RUNX3: variants seen among roughly 807,000 people sequenced by gnomAD.
The protein encoded by RUNX3 is runt-related transcription factor 3.
RUNX3 carries 10 observed loss-of-function variants against 27.7 expected under a neutral mutation model. The observed-to-expected ratio is 0.36, with a 90% CI of 0.22 to 0.61. RUNX3 has a LOEUF of 0.61. RUNX3 is among the 20% of genes least tolerant of loss of function. The pLI is 0.72. For missense variants in RUNX3, 469 were observed against 629.5 expected (o/e 0.75, Z 2.73); for synonymous variants, 270 against 269.2 (o/e 1.00, Z -0.03).
chr1:24,913,760 C>A (rs973492107), intron 3 of RUNX3, among the ~76,000 whole-genome samples: 1 of 152,226 alleles, frequency 6.6e-6, no homozygotes, highest in Non-Finnish European at 1.5e-5. Context: ...GGGAATCCTT[C>A]CCCACCACCA....
At chr1:24,953,402 G>GAAA (rs553316885) in intron 2 of RUNX3, among the ~76,000 whole-genome samples, 13 of 70,448 alleles carry the variant, frequency 1.8e-4, no homozygotes, top group African/African-American at 3.1e-4. Flanking sequence ...AAAGAAAAAT[G>GAAA]AAAAAAAAAA....
chr1:24,907,294 C>T lies in RUNX3; in HGVS notation c.668G>A (p.Ser223Asn). ...PSPRGSLSTT[S>N]HFSSQPQTPI... ...GGTCTGGGGCTGGCTGCTGAAGTGG[C>T]TTGTGGTGCTGAGTGAGCCTCGGGG... Residue 223 changes from serine (S) to asparagine (N), a missense_variant, in exon 4 of 5, where the codon AGC becomes AAC. By Grantham distance (46) the Ser-to-Asn change is conservative (BLOSUM62 1). Around this residue, in one of 3 missense-constraint regions of RUNX3, gnomAD observed 279 missense variants for 343.0 expected, o/e 0.81. Transcript: ENST00000308873. The T allele has an allele frequency of 6.2e-7, 1 of 1,612,476 alleles. No individual in the cohort carries two copies. Among genetic ancestry groups the T allele is most frequent in the Non-Finnish European group, 8.5e-7 (1 of 1,179,994 alleles).
chr1:24,953,776 A>T (rs527790826), intron 2 of RUNX3, among the ~76,000 whole-genome samples: 11 of 152,402 alleles, frequency 7.2e-5, no homozygotes, highest in Admixed American at 2.6e-4. Context: ...GGAAATGCTC[A>T]TTGGAGAATT....
At chr1:24,910,799 C>A (rs961855426) in intron 3 of RUNX3, among the ~76,000 whole-genome samples, 4 of 152,200 alleles carry the variant, frequency 2.6e-5, no homozygotes, top group African/African-American at 9.6e-5. Flanking sequence ...TCTGGCCAGG[C>A]CCCCACTGCT....
chr1:24,949,317 A>C (rs1034543036), intron 2 of RUNX3, among the ~76,000 whole-genome samples: 1 of 152,158 alleles, frequency 6.6e-6, no homozygotes, highest in African/African-American at 2.4e-5. Flanking sequence ...AAGTCTGGCT[A>C]AATGGAAAGT....
chr1:24,902,839 G>A lies in RUNX3; in HGVS notation c.704-173C>T, dbSNP rs529100401. Reference sequence around the variant, plus strand: ...CCGGGGCCTCCCCCGCCAGGACTCCGAACACAGACCTGCCGGGAAGCTGGT... The same window carrying A: ...CCGGGGCCTCCCCCGCCAGGACTCCAAACACAGACCTGCCGGGAAGCTGGT... On this transcript the variant is annotated intron_variant, in intron 4 of 4. Transcript: ENST00000308873. The surrounding 1 kb of genome is among the most constrained non-coding windows in gnomAD (Gnocchi z 9.2). 4.6e-5 allele frequency among the ~76,000 whole-genome samples: 7 copies of A among 152,134 alleles called. No individual in the cohort carries two copies. The highest frequency in any genetic ancestry group is 1.3e-4 in the Admixed American group (2 of 15,290).
intron 3 of RUNX3, among the ~76,000 whole-genome samples, chr1:24,917,680 C>A (rs949735041): frequency 6.6e-6 from 1 of 152,204 alleles, no homozygotes; most frequent in African/African-American, 2.4e-5. Flanking sequence ...TGTTTCCTCG[C>A]AATAGCATCA....
At chr1:24,926,691 G>A (rs1186785260) in intron 2 of RUNX3, among the ~76,000 whole-genome samples, 1 of 152,208 alleles carries the variant, frequency 6.6e-6, no homozygotes, top group African/African-American at 2.4e-5. Flanking sequence ...ACTTCAGCCT[G>A]CTGTGGAGTT....
intron 2 of RUNX3, among the ~76,000 whole-genome samples, chr1:24,959,957 T>G (rs1367531274): frequency 1.3e-5 from 2 of 152,208 alleles, no homozygotes; most frequent in African/African-American, 4.8e-5. Context: ...CCCAGGACGT[T>G]CCTTCTGCCT....
rs767353441 is a variant in RUNX3, at chr1:24,902,385, G to A, written c.985C>T (p.Pro329Ser). The A allele has an allele frequency of 1.2e-6, 2 of 1,612,708 alleles. No homozygotes were observed. Among genetic ancestry groups the A allele is most frequent in the South Asian group, 2.2e-5 (2 of 91,064 alleles). ...QSGPFQANPS[P>S]YHLYYGTSSG... is the part of the protein sequence containing the mutation. ...GATGTCCCGTAGTAGAGGTGGTAGG[G>A]GGACGGGTTGGCCTGGAAGGGCCCG... The change falls in exon 5 of 5, where the codon CCC becomes TCC. Residue 329 changes from proline (P) to serine (S), a missense_variant. Coordinates refer to ENST00000308873, the MANE Select transcript of RUNX3 (RefSeq NM_004350.3). The surrounding 1 kb of genome is among the most constrained non-coding windows in gnomAD (Gnocchi z 9.2).
chr1:24,952,779 A>G (rs1458206289), intron 2 of RUNX3, among the ~76,000 whole-genome samples: 1 of 152,210 alleles, frequency 6.6e-6, no homozygotes, highest in Non-Finnish European at 1.5e-5. Flanking sequence ...ATTGAGGTTC[A>G]CAAAGGTTAA....
upstream of RUNX3, among the ~76,000 whole-genome samples, chr1:24,934,445 G>A (rs1163046841): frequency 6.6e-6 from 1 of 152,208 alleles, no homozygotes; most frequent in African/African-American, 2.4e-5. Context: ...TGGTGAGGGT[G>A]TTAGGACCCA....
chr1:24,935,659 C>T (rs908527055), intron 2 of RUNX3, among the ~76,000 whole-genome samples: 7 of 152,228 alleles, frequency 4.6e-5, no homozygotes, highest in East Asian at 1.9e-4. Flanking sequence ...CCCTGCTACT[C>T]GCTCTTGTCA....
intron 3 of RUNX3, among the ~76,000 whole-genome samples, chr1:24,909,288 G>A (rs1414166246): frequency 6.6e-6 from 1 of 152,160 alleles, no homozygotes; most frequent in African/African-American, 2.4e-5. Context: ...ATAAGGCTCT[G>A]TCCACCGCTC....
chr1:24,932,861 C>A (rs1030499419), upstream of RUNX3, among the ~76,000 whole-genome samples: 1 of 152,306 alleles, frequency 6.6e-6, no homozygotes, highest in East Asian at 1.9e-4. Context: ...AGTTTCTCCC[C>A]AGTGGCCCCC....
intron 3 of RUNX3, among the ~76,000 whole-genome samples, chr1:24,914,111 G>A (rs1348120067): frequency 1.3e-5 from 2 of 152,232 alleles, no homozygotes; most frequent in African/African-American, 2.4e-5. Context: ...TAAGGTCATC[G>A]CTTCCCAAGA....
At position 24,929,843 on chromosome 1, in the gene RUNX3, G is replaced by C; in HGVS notation, c.26C>G (p.Thr9Ser). The change falls in exon 1 of 5, where the codon ACC becomes AGC. Residue 9 changes from threonine (T) to serine (S), a missense_variant. Thr to Ser is a moderately conservative substitution (Grantham distance 58). Transcript: ENST00000308873. MRIPVDPS[T>S]SRRFTPPSPA... ...GGAGGGAGGTGTGAAGCGGCGGCTG[G>C]TGCTTGGGTCTACGGGAATACGCAT... The C allele has an allele frequency of 7.9e-6, 11 of 1,393,888 alleles. No individual in the cohort carries two copies. The highest frequency in any genetic ancestry group is 1.0e-5 in the Non-Finnish European group (11 of 1,084,772). 86.3% of individuals were successfully genotyped at this position (1,393,888 alleles called of 1,614,324 possible). A position where few individuals can be genotyped will look rare whatever the true frequency, so the allele number is the denominator to read the frequency against.
intron 2 of RUNX3, among the ~76,000 whole-genome samples, chr1:24,947,105 T>A (rs1641627965): frequency 6.6e-6 from 1 of 152,154 alleles, no homozygotes; most frequent in African/African-American, 2.4e-5. Context: ...GTCCTCACGG[T>A]AACCCTGAAG....
At chr1:24,959,941 C>T (rs560559335) in intron 2 of RUNX3, among the ~76,000 whole-genome samples, 1 of 152,206 alleles carries the variant, frequency 6.6e-6, no homozygotes. Flanking sequence ...TGCTTCCACA[C>T]CTTTGCCCAG....
Sources: allele counts gnomAD v4.1 joint callset (sites outside exome capture counted in the v4.1 genomes callset), GRCh38; gene constraint gnomAD v4.1.1; regional missense constraint gnomAD v4.1.1; non-coding constraint Gnocchi (gnomAD v3.1); transcripts MANE v1.5; gene names NCBI Gene and HGNC (gene_info 2026-07-23, HGNC 2026-07-21).